LMBRD2: variants seen among roughly 807,000 people sequenced by gnomAD.
LMBRD2 encodes G protein-coupled receptor-associated protein LMBRD2.
Under a neutral mutation model 94.4 loss-of-function variants are expected in LMBRD2, and 55 were observed. The ratio of observed to expected loss-of-function variants is 0.58; its 90% CI spans 0.47 to 0.73. The LOEUF is 0.73. Ranked by LOEUF, LMBRD2 falls within the 30% of genes least tolerant of loss-of-function variation. LMBRD2 has a pLI of 0.00. For synonymous variants in LMBRD2, 246 were observed against 272.4 expected (o/e 0.90, Z 0.95); for missense variants, 640 against 831.9 (o/e 0.77, Z 2.84).
intron 6 of LMBRD2, among the ~76,000 whole-genome samples, chr5:36,128,035 C>A (rs1277436637): frequency 1.3e-5 from 2 of 152,138 alleles, no homozygotes; most frequent in African/African-American, 2.4e-5. Context: ...CCCTCCCCCA[C>A]CTCCAGGCAG....
chr5:36,143,605 A>T (rs939792167), intron 1 of LMBRD2, among the ~76,000 whole-genome samples, 199 bp from the exon 2 acceptor site: 3 of 152,228 alleles, frequency 2.0e-5, no homozygotes, highest in Non-Finnish European at 2.9e-5. Context: ...AAGCACACTT[A>T]AAAAATTTCA....
Position 36,146,931 on chromosome 5 carries a change from TGTGTGTGTGA to T in LMBRD2, c.-57-3535_-57-3526del, listed in dbSNP as rs1189138458. Reference sequence around the variant, plus strand: ...TCACTTCTCTCTCTGCGTGTGTGTGTGTGTGTGTGAGTGTGTGTGTGTGTGTGTGTGTGTG... The same window carrying T: ...TCACTTCTCTCTCTGCGTGTGTGTGTGTGTGTGTGTGTGTGTGTGTGTGTG... On this transcript the variant is annotated intron_variant, in intron 1 of 17. Coordinates refer to ENST00000296603, the MANE Select transcript of LMBRD2 (RefSeq NM_001007527.2). Among the ~76,000 whole-genome samples, 1,276 of 128,246 alleles carry T rather than the reference TGTGTGTGTGA, an allele frequency of 9.9e-3. 17 individuals are homozygous for T. Among genetic ancestry groups the T allele is most frequent in the African/African-American group, 0.054 (1,201 of 22,156 alleles). 84.1% of individuals were successfully genotyped at this position (128,246 alleles called of 152,430 possible).
rs1579529466 is a variant in LMBRD2, at chr5:36,143,420, A to G, written c.-57-14T>C. On this transcript the variant is annotated splice_polypyrimidine_tract_variant and intron_variant, in intron 1 of 17. Transcript: ENST00000296603. ...TCTGGACCATATCTATAAAGTAAAAAGAAGGTTAAAATGCATCATTAACAC... is the reference window on the plus strand; with the variant it reads ...TCTGGACCATATCTATAAAGTAAAAGGAAGGTTAAAATGCATCATTAACAC... 1 of 1,215,848 alleles carries G rather than the reference A, an allele frequency of 8.2e-7. No individual in the cohort carries two copies. Among genetic ancestry groups the G allele is most frequent in the African/African-American group, 1.5e-5 (1 of 64,846 alleles). 75.3% of individuals were successfully genotyped at this position (1,215,848 alleles called of 1,614,324 possible).
chr5:36,142,243 C>G (rs956860459), intron 3 of LMBRD2, among the ~76,000 whole-genome samples: 1 of 152,032 alleles, frequency 6.6e-6, no homozygotes. Flanking sequence ...AAAGAAGAAC[C>G]AGGACTAAAA....
intron 13 of LMBRD2, among the ~76,000 whole-genome samples, chr5:36,113,011 A>C (rs1017301399): frequency 3.9e-5 from 6 of 152,166 alleles, no homozygotes; most frequent in African/African-American, 1.4e-4. Context: ...ATCAGTTCAT[A>C]TTAAAAGTAT....
chr5:36,111,238 T>C lies in LMBRD2; in HGVS notation c.1661A>G (p.Asn554Ser). 2 of 1,611,496 alleles carry C rather than the reference T, an allele frequency of 1.2e-6. No individual in the cohort carries two copies. The highest frequency in any genetic ancestry group is 1.7e-6 in the Non-Finnish European group (2 of 1,178,330). The change falls in exon 14 of 18, where the codon AAT becomes AGT. Residue 554 changes from asparagine to serine, a missense_variant. Physicochemically the swap from Asn to Ser is conservative, Grantham distance 46 (BLOSUM62 1). Around this residue, in one of 2 missense-constraint regions of LMBRD2, gnomAD observed 183 missense variants for 189.1 expected, o/e 0.97. Coordinates refer to ENST00000296603, the MANE Select transcript of LMBRD2 (RefSeq NM_001007527.2). ...TYFSLGTRCLNLLGFQQFMGD... is the reference protein window; with the variant it reads ...TYFSLGTRCLSLLGFQQFMGD... ...CATAAACTGCTGGAAACCGAGCAGA[T>C]TCAAACAACGGGTTCCCAAACTAAT... is the stretch of plus-strand genomic sequence containing the variant.
chr5:36,114,643 A>G (rs1234592129), intron 12 of LMBRD2, 122 bp from the exon 13 acceptor site: 19 of 1,202,000 alleles, frequency 1.6e-5, no homozygotes, highest in African/African-American at 3.2e-5. Context: ...TAAAAAGTAG[A>G]AAAAAAGCAG....
At chr5:36,149,156 C>A (rs955842878) in intron 1 of LMBRD2, among the ~76,000 whole-genome samples, 3 of 152,056 alleles carry the variant, frequency 2.0e-5, no homozygotes, top group African/African-American at 7.3e-5. Context: ...ATTTACTGAA[C>A]GCCTACTATA....
chr5:36,142,859 G>T, intron 2 of LMBRD2: 1 of 375,368 alleles, frequency 2.7e-6, no homozygotes, highest in Non-Finnish European at 4.8e-6. Context: ...CGAGTAGCTG[G>T]GACTACAGGC....
In LMBRD2 at chr5:36,113,031, G is replaced by A. The variant is rs138725963; in HGVS notation, c.1640+1393C>T. On this transcript the variant is annotated intron_variant, in intron 13 of 17. Transcript: ENST00000296603. ...TTCATATTAAAAGTATTATTTTAAG[G>A]GAGGAGAACACCCCTCATATTGTCT... Among the ~76,000 whole-genome samples, 223 of 151,986 alleles carry A rather than the reference G, an allele frequency of 1.5e-3. 1 individual carries two copies. Among genetic ancestry groups the A allele is most frequent in the African/African-American group, 5.0e-3 (208 of 41,444 alleles).
intron 3 of LMBRD2, 45 bp from the exon 4 acceptor site, chr5:36,141,247 T>A: frequency 1.8e-6 from 2 of 1,081,134 alleles, no homozygotes; most frequent in Non-Finnish European, 2.8e-6. Flanking sequence ...AATGACTACT[T>A]AAATGAATTA....
At chr5:36,134,074 CA>C (rs1744214919) in intron 6 of LMBRD2, among the ~76,000 whole-genome samples, 1 of 151,870 alleles carries the variant, frequency 6.6e-6, no homozygotes, top group South Asian at 2.1e-4. Flanking sequence ...TCAATTTTTT[CA>C]AAAATTCAAA....
intron 10 of LMBRD2, among the ~76,000 whole-genome samples, chr5:36,117,407 C>T (rs1307580172): frequency 2.6e-5 from 4 of 151,896 alleles, no homozygotes; most frequent in Non-Finnish European, 5.9e-5. Flanking sequence ...TTTCTTGAGC[C>T]CGGGAAGTTG....
At chr5:36,125,838 G>A (rs1303153086) in intron 6 of LMBRD2, among the ~76,000 whole-genome samples, 1 of 152,146 alleles carries the variant, frequency 6.6e-6, no homozygotes, top group Non-Finnish European at 1.5e-5. Flanking sequence ...CTGATTAACT[G>A]ATTATTTAAA....
At chr5:36,135,664 A>G (rs1010860848) in intron 6 of LMBRD2, among the ~76,000 whole-genome samples, 1 of 152,194 alleles carries the variant, frequency 6.6e-6, no homozygotes, top group African/African-American at 2.4e-5. Context: ...CTGGGAAGCA[A>G]AAATGTGAGG....
rs1163032786 is a variant in LMBRD2, at chr5:36,102,441, G to A, written c.*1605C>T. 1 of 151,664 alleles carries A rather than the reference G, an allele frequency of 6.6e-6. No homozygotes were observed. Among genetic ancestry groups the A allele is most frequent in the African/African-American group, 2.4e-5 (1 of 41,360 alleles). 9.4% of individuals were successfully genotyped at this position (151,664 alleles called of 1,614,324 possible). The stretch of plus-strand genomic sequence containing the variant: ...TCTGCTCCTGGCTTATTGCTTTCTG[G>A]CCACACTTCACATGAAAAGACTGTA... On this transcript the variant is annotated 3_prime_UTR_variant, in exon 18 of 18. Transcript: ENST00000296603.
intron 13 of LMBRD2, among the ~76,000 whole-genome samples, chr5:36,113,288 C>T (rs1561512825): frequency 6.6e-6 from 1 of 152,074 alleles, no homozygotes; most frequent in East Asian, 1.9e-4. Flanking sequence ...CAGTCACGTA[C>T]CCCCTGCTTG....
chr5:36,117,610 T>C (rs543007905), intron 10 of LMBRD2, 125 bp downstream of exon 10: 5 of 577,442 alleles, frequency 8.7e-6, no homozygotes, highest in African/African-American at 1.9e-5. Flanking sequence ...TTCTGGAAGT[T>C]TGAATAACAA....
At chr5:36,144,306 T>G (rs1332399863) in intron 1 of LMBRD2, among the ~76,000 whole-genome samples, 1 of 152,214 alleles carries the variant, frequency 6.6e-6, no homozygotes, top group African/African-American at 2.4e-5. Context: ...AAAATCAATG[T>G]TAGACTTTTG....
Sources: gnomAD v4.1 joint callset for allele counts (sites outside exome capture counted in the v4.1 genomes callset) on GRCh38, gnomAD v4.1.1 for gene constraint, gnomAD v4.1.1 regional missense constraint, MANE v1.5 for transcripts, NCBI Gene and HGNC (gene_info 2026-07-23, HGNC 2026-07-21) for gene names.